LRFN5: variants seen among roughly 807,000 people sequenced by gnomAD.
LRFN5 encodes leucine-rich repeat and fibronectin type-III domain-containing protein 5.
A neutral mutation model predicts 45.6 loss-of-function variants in LRFN5; 24 were observed. The ratio of observed to expected loss-of-function variants is 0.53; its 90% CI spans 0.38 to 0.74. The LOEUF (loss-of-function observed/expected upper bound fraction) is 0.74. Among genes scored for constraint, LRFN5 ranks in the 30% least tolerant of loss-of-function variants. The pLI is 0.00. For missense variants in LRFN5, 776 were observed against 861.5 expected (o/e 0.90, Z 1.24); for synonymous variants, 340 against 313.8 (o/e 1.08, Z -0.88).
chr14:41,882,490 A>G (rs1171325878), intron 2 of LRFN5, among the ~76,000 whole-genome samples: 1 of 152,164 alleles, frequency 6.6e-6, no homozygotes, highest in African/African-American at 2.4e-5. Flanking sequence ...CTGAAAAGCA[A>G]GGTTGCCTGA....
At chr14:41,880,159 C>T (rs1890329712) in intron 2 of LRFN5, among the ~76,000 whole-genome samples, 1 of 151,552 alleles carries the variant, frequency 6.6e-6, no homozygotes, top group South Asian at 2.1e-4. Flanking sequence ...GATCTCCTGA[C>T]CTCGTGATCT....
intron 2 of LRFN5, among the ~76,000 whole-genome samples, chr14:41,845,423 G>A (rs913225333): frequency 1.8e-4 from 27 of 151,962 alleles, no homozygotes; most frequent in East Asian, 3.9e-4. Flanking sequence ...GCTATATGTC[G>A]TCTGCCATAT....
chr14:41,712,397 A>G (rs1347860104), intron 1 of LRFN5, among the ~76,000 whole-genome samples: 1 of 152,164 alleles, frequency 6.6e-6, no homozygotes, highest in East Asian at 1.9e-4. Flanking sequence ...TCTCTATGAC[A>G]TAGACATCTC....
At chr14:41,834,470 T>G (rs1411812684) in intron 2 of LRFN5, among the ~76,000 whole-genome samples, 1 of 152,156 alleles carries the variant, frequency 6.6e-6, no homozygotes, top group African/African-American at 2.4e-5. Context: ...CCTATTAACA[T>G]TCACCTCTGC....
rs1428449916 is a variant in LRFN5 at position 41,607,319 on chromosome 14, A to G, written c.-1440A>G. Reference sequence around the variant, plus strand: ...CGTTATATCAGAAAAAAAAAGCGCAACTGGACGGGGGTGGGGCAGACCAAC... The same window carrying G: ...CGTTATATCAGAAAAAAAAAGCGCAGCTGGACGGGGGTGGGGCAGACCAAC... On this transcript the variant is annotated 5_prime_UTR_variant, in exon 1 of 6. Transcript: ENST00000298119. Among the ~76,000 whole-genome samples the G allele has an allele frequency of 3.9e-5, 6 of 151,962 alleles. No individual in the cohort carries two copies. The highest frequency in any genetic ancestry group is 1.4e-4 in the African/African-American group (6 of 41,388).
chr14:41,724,798 G>A (rs1425219677), intron 1 of LRFN5, among the ~76,000 whole-genome samples: 2 of 152,070 alleles, frequency 1.3e-5, no homozygotes, highest in Admixed American at 6.6e-5. Flanking sequence ...TGAGAATCAT[G>A]TCAGTTCTTC....
At chr14:41,655,839 G>A (rs1432671214) in intron 1 of LRFN5, among the ~76,000 whole-genome samples, 2 of 151,918 alleles carry the variant, frequency 1.3e-5, no homozygotes, top group South Asian at 4.1e-4. Context: ...TGATCTCACA[G>A]TTTTGAGCTC....
At chr14:41,664,475 G>T (rs576140695) in intron 1 of LRFN5, among the ~76,000 whole-genome samples, 12 of 151,664 alleles carry the variant, frequency 7.9e-5, no homozygotes, top group Non-Finnish European at 1.3e-4. Context: ...AAGAACTTGG[G>T]GGTATGTTAG....
chr14:41,668,596 T>G (rs77692094), intron 1 of LRFN5, among the ~76,000 whole-genome samples: 3,219 of 152,256 alleles, frequency 0.021, 106 homozygotes, highest in African/African-American at 0.071. Context: ...TGTTATGGGT[T>G]TTAACCATGA....
intron 1 of LRFN5, among the ~76,000 whole-genome samples, chr14:41,643,778 C>A (rs1304219871): frequency 6.6e-6 from 1 of 152,004 alleles, no homozygotes; most frequent in African/African-American, 2.4e-5. Flanking sequence ...ATTCTTTTAA[C>A]CCTCTGCTTT....
intron 1 of LRFN5, among the ~76,000 whole-genome samples, chr14:41,666,532 T>C (rs569629154): frequency 1.5e-4 from 23 of 152,248 alleles, no homozygotes; most frequent in African/African-American, 5.3e-4. Context: ...TGCATTTTTT[T>C]CTGTAATTCC....
intron 1 of LRFN5, among the ~76,000 whole-genome samples, chr14:41,752,464 G>C (rs1885177800): frequency 6.6e-6 from 1 of 152,142 alleles, no homozygotes; most frequent in African/African-American, 2.4e-5. Flanking sequence ...ATTCTAACTG[G>C]TGTGAGATGA....
chr14:41,768,819 G>A (rs943664211), intron 2 of LRFN5, among the ~76,000 whole-genome samples: 12 of 152,054 alleles, frequency 7.9e-5, no homozygotes, highest in Admixed American at 2.6e-4. Flanking sequence ...ATTCTCTAGT[G>A]TAAATCACAA....
chr14:41,762,356 T>C (rs1885707665), intron 1 of LRFN5, among the ~76,000 whole-genome samples: 1 of 152,150 alleles, frequency 6.6e-6, no homozygotes, highest in African/African-American at 2.4e-5. Flanking sequence ...CATTAAGCAA[T>C]AAATGCTCTA....
chr14:41,886,867 C>T lies in LRFN5; in HGVS notation c.242C>T (p.Thr81Ile). ...AATATGACCAGCTTGGTGGACCTGA[C>T]TCTATCCAGGAATACAATAAGTTTT... is the stretch of plus-strand genomic sequence containing the variant. Reference protein sequence around the residue: ...FANMTSLVDLTLSRNTISFIT... With the variant: ...FANMTSLVDLILSRNTISFIT... Residue 81 changes from threonine (T) to isoleucine (I), a missense_variant, in exon 3 of 6, where the codon ACT becomes ATT. Thr to Ile is a moderately conservative substitution (Grantham distance 89). This residue lies in a region of LRFN5 where 311 missense variants were observed against 405.1 expected (regional missense o/e 0.77). Coordinates refer to ENST00000298119, the MANE Select transcript of LRFN5 (RefSeq NM_152447.5). The T allele has an allele frequency of 6.2e-7, 1 of 1,614,128 alleles. No homozygotes were observed. Among genetic ancestry groups the T allele is most frequent in the Non-Finnish European group, 8.5e-7 (1 of 1,179,996 alleles).
intron 2 of LRFN5, among the ~76,000 whole-genome samples, chr14:41,795,033 A>G (rs553416952): frequency 1.3e-5 from 2 of 152,160 alleles, no homozygotes; most frequent in South Asian, 2.1e-4. Flanking sequence ...TTTGGTATAT[A>G]TACTATATAT....
At chr14:41,724,654 A>G (rs1326968961) in intron 1 of LRFN5, among the ~76,000 whole-genome samples, 1 of 152,156 alleles carries the variant, frequency 6.6e-6, no homozygotes, top group Non-Finnish European at 1.5e-5. Flanking sequence ...TAATATAATA[A>G]GTATAAATAT....
At chr14:41,761,907 G>C (rs1885686681) in intron 1 of LRFN5, among the ~76,000 whole-genome samples, 1 of 151,790 alleles carries the variant, frequency 6.6e-6, no homozygotes, top group Admixed American at 6.6e-5. Flanking sequence ...ATTTTTTGTA[G>C]AGGAATTTTA....
At position 41,821,622 on chromosome 14, in the gene LRFN5, A is replaced by G. The variant is rs542348627; in HGVS notation, c.-21+54593A>G. ...TGTTGTGTCATTGCCTGGCTTTAAT[A>G]TCAAGATGATATGAGCTTTGTAGAA... is the stretch of plus-strand genomic sequence containing the variant. On this transcript the variant is annotated intron_variant, in intron 2 of 5. Transcript: ENST00000298119. 4.6e-5 allele frequency among the ~76,000 whole-genome samples: 7 copies of G among 151,988 alleles called. No individual in the cohort carries two copies. The South Asian group carries it at 1.5e-3, about 31-fold the overall frequency.
Sources: gnomAD v4.1 joint callset for allele counts (sites outside exome capture counted in the v4.1 genomes callset) on GRCh38, gnomAD v4.1.1 for gene constraint, gnomAD v4.1.1 regional missense constraint, MANE v1.5 for transcripts, NCBI Gene and HGNC (gene_info 2026-07-23, HGNC 2026-07-21) for gene names.